Variants in OPHN1 observed in about 807,000 individuals in gnomAD.
OPHN1 encodes oligophrenin 1.
In OPHN1, 11 loss-of-function variants were observed where a neutral mutation model predicts 60.7. That is an observed-to-expected ratio of 0.18 (90% CI 0.11 to 0.30). The LOEUF (loss-of-function observed/expected upper bound fraction) is 0.30, where lower values mean the gene tolerates loss of function less well. Among genes scored for constraint, OPHN1 ranks in the 10% least tolerant of loss-of-function variants. The probability of loss-of-function intolerance (pLI) is 1.00; values close to 1 mark genes in which losing one functional copy is unlikely to be tolerated. For synonymous variants in OPHN1, 226 were observed against 222.6 expected, an observed-to-expected ratio of 1.02 and a Z score of -0.14; for missense variants, 449 against 611.0, an observed-to-expected ratio of 0.73 and a Z score of 2.80.
intron 15 of OPHN1, among the ~76,000 whole-genome samples, chrX:68,149,947 A>T (rs1315155674): frequency 8.9e-6 from 1 of 111,843 alleles, no homozygotes; most frequent in East Asian, 2.8e-4. Flanking sequence ...GTATATATAA[A>T]CAAGGGAATA....
At chrX:68,271,662 C>T (rs1021616677) in intron 5 of OPHN1, among the ~76,000 whole-genome samples, 9 of 111,569 alleles carry the variant, frequency 8.1e-5, no homozygotes, top group Non-Finnish European at 1.7e-4. Flanking sequence ...AAAAGCAGGC[C>T]AACAGTGACC....
At chrX:68,197,034 T>C (rs1209548511) in intron 12 of OPHN1, 152 bp downstream of exon 12, 1 of 478,425 alleles carries the variant, frequency 2.1e-6, no homozygotes, top group East Asian at 3.7e-5. Flanking sequence ...TTGCCTTACC[T>C]GCTAAGAGAT....
chrX:68,181,180 A>G (rs1229516044), intron 15 of OPHN1, among the ~76,000 whole-genome samples: 1 of 111,022 alleles, frequency 9.0e-6, no homozygotes, highest in African/African-American at 3.3e-5. Context: ...ACAAGCCTGA[A>G]TTTGTTTGAT....
intron 18 of OPHN1, 77 bp from the exon 19 acceptor site, chrX:68,097,106 T>C (rs904266995): frequency 9.9e-7 from 1 of 1,006,049 alleles, no homozygotes; most frequent in African/African-American, 1.9e-5. Flanking sequence ...TTAGGTGCTG[T>C]AGAGGGTAAG....
chrX:68,309,970 T>C (rs1196027241), intron 2 of OPHN1, among the ~76,000 whole-genome samples: 1 of 111,886 alleles, frequency 8.9e-6, no homozygotes, highest in Non-Finnish European at 1.9e-5. Flanking sequence ...TGTTAATGAA[T>C]CAACTATATA....
chrX:68,279,657 A>T (rs976496619), intron 4 of OPHN1, among the ~76,000 whole-genome samples: 2 of 111,589 alleles, frequency 1.8e-5, no homozygotes, highest in African/African-American at 3.3e-5. Context: ...TTTGCTACAA[A>T]GCCAGGAAAT....
At chrX:68,388,810 T>C (rs1413401360) in intron 2 of OPHN1, among the ~76,000 whole-genome samples, 2 of 111,173 alleles carry the variant, frequency 1.8e-5, no homozygotes, top group Non-Finnish European at 3.8e-5. Context: ...CTTCACTATA[T>C]ATTTGAATTT....
chrX:68,347,002 C>A (rs1410882893), intron 2 of OPHN1, among the ~76,000 whole-genome samples: 3 of 111,814 alleles, frequency 2.7e-5, no homozygotes, highest in Non-Finnish European at 3.8e-5. Flanking sequence ...TTTTGTGGAC[C>A]CCTTCCCATT....
At chrX:68,359,037 A>T (rs976286961) in intron 2 of OPHN1, among the ~76,000 whole-genome samples, 18 of 111,979 alleles carry the variant, frequency 1.6e-4, no homozygotes, top group African/African-American at 3.6e-4. Flanking sequence ...TGGAAGAGCC[A>T]GTGTGGCTAG....
At chrX:68,052,642 G>A (rs1490604830) in intron 22 of OPHN1, 52 bp from the exon 23 acceptor site, 1 of 1,067,057 alleles carries the variant, frequency 9.4e-7, no homozygotes, top group Admixed American at 2.3e-5. Flanking sequence ...ATACACGTGA[G>A]AACCAATGGC....
At chrX:68,389,647 T>A (rs2078643323) in intron 2 of OPHN1, among the ~76,000 whole-genome samples, 1 of 64,955 alleles carries the variant, frequency 1.5e-5, no homozygotes, top group East Asian at 6.6e-4. Flanking sequence ...TATTAATATG[T>A]GTGATTTAGT....
intron 2 of OPHN1, among the ~76,000 whole-genome samples, chrX:68,315,889 C>T (rs138820084): frequency 0.011 from 1,234 of 110,746 alleles, 17 homozygotes; most frequent in African/African-American, 0.039. Flanking sequence ...AACTACAAAG[C>T]ATTAATGAAA....
chrX:68,192,636 C>T, intron 15 of OPHN1: 1 of 327,392 alleles, frequency 3.1e-6, no homozygotes, highest in South Asian at 5.1e-5. Flanking sequence ...TAAGAAGATA[C>T]CGACTAAGCC....
chrX:68,364,944 C>A (rs939658567), intron 2 of OPHN1, among the ~76,000 whole-genome samples: 4 of 111,563 alleles, frequency 3.6e-5, no homozygotes, highest in Non-Finnish European at 7.5e-5. Context: ...CTTCTCTAAT[C>A]CTCACTTTCC....
chrX:68,428,650 T>C (rs189331569), intron 2 of OPHN1, among the ~76,000 whole-genome samples: 6 of 112,359 alleles, frequency 5.3e-5, no homozygotes, highest in Non-Finnish European at 1.1e-4. Flanking sequence ...GCTAACTATA[T>C]ATAACACTTA....
At chrX:68,212,285 A>C in intron 7 of OPHN1, 73 bp from the exon 8 acceptor site, 4 of 741,120 alleles carry the variant, frequency 5.4e-6, no homozygotes, top group Non-Finnish European at 8.1e-6. Context: ...ACATGAACTC[A>C]CCAAAAAACT....
intron 17 of OPHN1, 128 bp downstream of exon 17, chrX:68,113,053 C>A: frequency 2.0e-6 from 1 of 498,393 alleles, no homozygotes; most frequent in Non-Finnish European, 3.5e-6. Context: ...GGCAGTTGTG[C>A]ATAATTTGTG....
In OPHN1 at chrX:68,213,742, A is replaced by G. The variant is rs1291873235; in HGVS notation, c.597+120T>C. 7 of 517,367 alleles carry G rather than the reference A, an allele frequency of 1.4e-5. No individual in the cohort carries two copies. The Admixed American group carries it at 1.5e-4, about 11-fold the overall frequency. 42.6% of individuals were successfully genotyped at this position (517,367 alleles called of 1,213,427 possible). ...AAAAACGTAAGTTAGACTACGTTCT[A>G]GACATTTCCACTGATTATCCTTCAC... On this transcript the variant is annotated intron_variant, in intron 7 of 24. Transcript: ENST00000355520.
chrX:68,396,583 G>C (rs1303593225), intron 2 of OPHN1, among the ~76,000 whole-genome samples: 1 of 109,919 alleles, frequency 9.1e-6, no homozygotes, highest in African/African-American at 3.3e-5. Context: ...GGGAGGCCGA[G>C]GCAGGCGGAT....
Sources: allele counts gnomAD v4.1 joint callset (sites outside exome capture counted in the v4.1 genomes callset), GRCh38; gene constraint gnomAD v4.1.1; transcripts MANE v1.5; gene names NCBI Gene and HGNC (gene_info 2026-07-23, HGNC 2026-07-21).